The following TAOK3 variants were observed in gnomAD, a reference collection of about 807,000 sequenced individuals.
The protein encoded by TAOK3 is TAO kinase 3.
In TAOK3, 40 loss-of-function variants were observed where a neutral mutation model predicts 120.4. The observed-to-expected ratio is 0.33, with a 90% CI of 0.26 to 0.43. The LOEUF (loss-of-function observed/expected upper bound fraction) is 0.43, where lower values mean the gene tolerates loss of function less well. Ranked by LOEUF, TAOK3 falls within the 20% of genes least tolerant of loss-of-function variation. TAOK3 has a pLI of 1.00. For missense variants in TAOK3, 821 were observed against 1,112.1 expected (o/e 0.74, Z 3.72); for synonymous variants, 355 against 387.5 (o/e 0.92, Z 0.99).
At chr12:118,205,419 C>T (rs2038246143) in intron 11 of TAOK3, among the ~76,000 whole-genome samples, 2 of 151,360 alleles carry the variant, frequency 1.3e-5, no homozygotes, top group Admixed American at 1.3e-4. Context: ...AAAATTTGGG[C>T]CCTGAGAAGT....
At chr12:118,239,036 A>G (rs538057765) in intron 6 of TAOK3, among the ~76,000 whole-genome samples, 191 bp downstream of exon 6, 9 of 152,360 alleles carry the variant, frequency 5.9e-5, no homozygotes, top group Middle Eastern at 3.4e-3. Context: ...CTAAAACAGC[A>G]GGAAGACTGC....
In TAOK3 at chr12:118,168,957, T is replaced by TTTCCTTCC. The variant is rs150570843; in HGVS notation, c.1899+3492_1899+3499dup. ...TGCAGTACTGAATCAGCTTGCTTGC[T>TTTCCTTCC]TTCCTTCCTTCCTTCCTTCCTTCCT... On this transcript the variant is annotated intron_variant, in intron 17 of 20. Coordinates refer to ENST00000392533, the MANE Select transcript of TAOK3 (RefSeq NM_016281.4). Among the ~76,000 whole-genome samples the TTTCCTTCC allele has an allele frequency of 2.7e-3, 396 of 147,772 alleles. 2 individuals are homozygous for TTTCCTTCC. Among genetic ancestry groups the TTTCCTTCC allele is most frequent in the African/African-American group, 6.1e-3 (244 of 39,770 alleles).
intron 9 of TAOK3, among the ~76,000 whole-genome samples, chr12:118,229,538 AT>A (rs1210439170): frequency 2.6e-5 from 4 of 152,178 alleles, no homozygotes; most frequent in African/African-American, 9.7e-5. Context: ...ATGGTTTTAT[AT>A]TTTAAAGTAG....
rs977585259 is a variant in TAOK3 at position 118,158,055 on chromosome 12, C to T, written c.2352+2091G>A. On this transcript the variant is annotated intron_variant, in intron 19 of 20. Coordinates refer to ENST00000392533, the MANE Select transcript of TAOK3 (RefSeq NM_016281.4). ...GTCCGAGACAAGCAATGGACGAATC[C>T]AGTGCTAGGTCCAATGAACACCTCA... Among the ~76,000 whole-genome samples the T allele has an allele frequency of 2.0e-5, 3 of 152,158 alleles. No homozygotes were observed. In the East Asian group the frequency reaches 5.8e-4, roughly 29 times the overall value.
intron 1 of TAOK3, among the ~76,000 whole-genome samples, chr12:118,339,748 A>G (rs953307010): frequency 2.6e-5 from 4 of 151,822 alleles, no homozygotes; most frequent in African/African-American, 9.7e-5. Context: ...TTTAGTAGAG[A>G]CGGGGTTTCA....
chr12:118,299,435 A>G (rs766615295), intron 1 of TAOK3, among the ~76,000 whole-genome samples: 2 of 152,176 alleles, frequency 1.3e-5, no homozygotes, highest in Admixed American at 6.5e-5. Flanking sequence ...TTATGGGTCT[A>G]CGGTACTTAA....
chr12:118,269,380 CTTCTTT>C (rs1566041134), intron 1 of TAOK3, among the ~76,000 whole-genome samples: 1 of 140,044 alleles, frequency 7.1e-6, no homozygotes, highest in African/African-American at 2.6e-5. Flanking sequence ...CTATCTCTCT[CTTCTTT>C]TTTTTTTTTT....
chr12:118,328,838 A>G (rs984091348), intron 1 of TAOK3, among the ~76,000 whole-genome samples: 2 of 152,244 alleles, frequency 1.3e-5, no homozygotes, highest in Non-Finnish European at 2.9e-5. Context: ...TGAGGGATTT[A>G]TAATGGTTTT....
chr12:118,344,008 T>TAA (rs556715280), intron 1 of TAOK3, among the ~76,000 whole-genome samples: 3 of 134,126 alleles, frequency 2.2e-5, no homozygotes, highest in Non-Finnish European at 3.2e-5. Context: ...CGAGACTGTC[T>TAA]AAAAAAAAAA....
chr12:118,256,381 CCCAGAGTTT>C (rs1234487217), intron 2 of TAOK3, among the ~76,000 whole-genome samples: 3 of 152,122 alleles, frequency 2.0e-5, no homozygotes, highest in Non-Finnish European at 4.4e-5. Flanking sequence ...TACCATTTGA[CCCAGAGTTT>C]CCACTTCTAA....
chr12:118,308,759 G>A (rs926942920), intron 1 of TAOK3, among the ~76,000 whole-genome samples: 4 of 151,030 alleles, frequency 2.6e-5, no homozygotes, highest in African/African-American at 9.7e-5. Context: ...GTAAAACCCT[G>A]TCTCTACTAA....
At chr12:118,208,503 A>G (rs1279265504) in intron 11 of TAOK3, among the ~76,000 whole-genome samples, 3 of 152,196 alleles carry the variant, frequency 2.0e-5, no homozygotes, top group Admixed American at 2.0e-4. Context: ...GATGTTCAAC[A>G]TCTCCCATAA....
intron 7 of TAOK3, chr12:118,236,585 T>C (rs1389379556): frequency 1.3e-5 from 2 of 152,116 alleles, no homozygotes; most frequent in South Asian, 2.1e-4. Flanking sequence ...GAAATTTATG[T>C]CAAGCTGAAA....
At chr12:118,336,610 C>T (rs2044376796) in intron 1 of TAOK3, among the ~76,000 whole-genome samples, 1 of 151,904 alleles carries the variant, frequency 6.6e-6, no homozygotes, top group Non-Finnish European at 1.5e-5. Context: ...TGTACCTAAT[C>T]AAAATTTAAA....
intron 1 of TAOK3, among the ~76,000 whole-genome samples, chr12:118,272,010 A>T (rs2041718486): frequency 1.3e-5 from 2 of 152,236 alleles, no homozygotes; most frequent in Non-Finnish European, 2.9e-5. Flanking sequence ...ACTAGCACGG[A>T]GTAGAAGATT....
rs2035142397 is a variant in TAOK3, at chr12:118,160,470, G to T, written c.2140-112C>A. On this transcript the variant is annotated intron_variant, in intron 18 of 20. Transcript: ENST00000392533. The surrounding 1 kb of genome is among the most constrained non-coding windows in gnomAD (Gnocchi z 4.2). ...GAGAGCGTCTGTTTTTTGGTGCAGTGACTCACATTGCTAATCAATAAAAAT... is the reference window on the plus strand; with the variant it reads ...GAGAGCGTCTGTTTTTTGGTGCAGTTACTCACATTGCTAATCAATAAAAAT... 2 of 805,220 alleles carry T rather than the reference G, an allele frequency of 2.5e-6. No individual in the cohort carries two copies. The highest frequency in any genetic ancestry group is 3.3e-5 in the South Asian group (2 of 59,772). The allele number at this position is 805,220 out of a possible 1,614,324, so 49.9% of individuals were successfully genotyped here. A position where few individuals can be genotyped will look rare whatever the true frequency, so the allele number is the denominator to read the frequency against.
intron 1 of TAOK3, among the ~76,000 whole-genome samples, chr12:118,338,116 T>C (rs2044442521): frequency 6.6e-6 from 1 of 152,244 alleles, no homozygotes; most frequent in East Asian, 1.9e-4. Context: ...AGTTATATAT[T>C]CATCATTCAC....
At chr12:118,198,333 C>G (rs1162390649) in intron 13 of TAOK3, 2 of 151,806 alleles carry the variant, frequency 1.3e-5, no homozygotes, top group African/African-American at 4.8e-5. Flanking sequence ...TTTCTTACTC[C>G]CTGCTAGAGT....
intron 5 of TAOK3, among the ~76,000 whole-genome samples, chr12:118,240,178 C>CTT (rs57739118): frequency 3.1e-4 from 41 of 134,286 alleles, no homozygotes; most frequent in African/African-American, 6.0e-4. Context: ...TTTCTTTACT[C>CTT]TTTTTTTTTT....
Sources: gnomAD v4.1 joint callset for allele counts (sites outside exome capture counted in the v4.1 genomes callset) on GRCh38, gnomAD v4.1.1 for gene constraint, Gnocchi (gnomAD v3.1) non-coding constraint, MANE v1.5 for transcripts, NCBI Gene and HGNC (gene_info 2026-07-23, HGNC 2026-07-21) for gene names.